Variants in POC5 observed in about 807,000 individuals in gnomAD.
The protein encoded by POC5 is POC5 centriolar protein.
In POC5, 48 loss-of-function variants were observed where a neutral mutation model predicts 62.9. That is an observed-to-expected ratio of 0.76 (90% CI 0.61 to 0.97). The LOEUF is 0.97. Among genes scored for constraint, POC5 ranks in the 50% least tolerant of loss-of-function variants. The probability of loss-of-function intolerance (pLI) is 0.00; values close to 1 mark genes in which losing one functional copy is unlikely to be tolerated. For synonymous variants in POC5, 236 were observed against 228.2 expected, an observed-to-expected ratio of 1.03 and a Z score of -0.31; for missense variants, 696 against 679.5, an observed-to-expected ratio of 1.02 and a Z score of -0.27.
Position 75,702,735 on chromosome 5 carries a change from T to C in POC5, c.383A>G (p.Asp128Gly). 6.2e-7 allele frequency: 1 copy of C among 1,604,528 alleles called. No homozygotes were observed. The highest frequency in any genetic ancestry group is 8.5e-7 in the Non-Finnish European group (1 of 1,175,168). Residue 128 changes from aspartate (D) to glycine (G), a missense_variant, in exon 5 of 12, where the codon GAC becomes GGC. Transcript: ENST00000428202. ...MDFFSSHLLA[D>G]SSSPATNSSH... ...AGAATTTGTTGCTGGTGAGGAAGAGTCAGCTAAAAGATGTGAACTGAAAAA... is the reference window on the plus strand; with the variant it reads ...AGAATTTGTTGCTGGTGAGGAAGAGCCAGCTAAAAGATGTGAACTGAAAAA...
chr5:75,687,405 G>A (rs1776143293), intron 9 of POC5, among the ~76,000 whole-genome samples: 1 of 152,066 alleles, frequency 6.6e-6, no homozygotes, highest in Non-Finnish European at 1.5e-5. Context: ...AAAAATAGGT[G>A]TCATTAAAAT....
chr5:75,710,513 A>G (rs1777299218), intron 2 of POC5, among the ~76,000 whole-genome samples: 1 of 152,138 alleles, frequency 6.6e-6, no homozygotes, highest in South Asian at 2.1e-4. Flanking sequence ...AACCTTGTGC[A>G]TGCTCTCCTC....
intron 1 of POC5, among the ~76,000 whole-genome samples, chr5:75,717,035 G>A (rs1358494540): frequency 6.6e-6 from 1 of 152,208 alleles, no homozygotes; most frequent in Non-Finnish European, 1.5e-5. Flanking sequence ...GCACAACAGA[G>A]CTTTATACAT....
chr5:75,674,151 T>C lies in POC5; in HGVS notation c.*284A>G, dbSNP rs1775564499. On this transcript the variant is annotated 3_prime_UTR_variant, in exon 12 of 12. Coordinates refer to ENST00000428202, the MANE Select transcript of POC5 (RefSeq NM_001099271.2). ...GTGAAAATAAATTTATATATTTTGA[T>C]GCTGTAATCAGCAACAGGCTAAACA... 1 of 209,214 alleles carries C rather than the reference T, an allele frequency of 4.8e-6. No homozygotes were observed. The highest frequency in any genetic ancestry group is 2.3e-5 in the African/African-American group (1 of 43,522). The allele number at this position is 209,214 out of a possible 1,614,324, so 13.0% of individuals were successfully genotyped here. A position where few individuals can be genotyped will look rare whatever the true frequency, so the allele number is the denominator to read the frequency against.
At chr5:75,677,550 T>C (rs982576266) in intron 11 of POC5, 2 of 309,384 alleles carry the variant, frequency 6.5e-6, no homozygotes, top group African/African-American at 2.1e-5. Context: ...AGAAACGATG[T>C]TTCTGAAATT....
intron 8 of POC5, among the ~76,000 whole-genome samples, chr5:75,689,922 T>C (rs902366964): frequency 2.0e-5 from 3 of 152,240 alleles, no homozygotes; most frequent in African/African-American, 7.2e-5. Flanking sequence ...TTTCTGCTCT[T>C]GTTGCCTAGG....
In POC5 at chr5:75,702,757, A is replaced by T; in HGVS notation, c.361T>A (p.Phe121Ile). The stretch of plus-strand genomic sequence containing the variant: ...GAGTCAGCTAAAAGATGTGAACTGA[A>T]AAAATCCATGACTGGGTGAGAAGGC... ...RKPSHPVMDF[F>I]SSHLLADSSS... is the part of the protein sequence containing the mutation. Residue 121 changes from phenylalanine (F) to isoleucine (I), a missense_variant, in exon 5 of 12, where the codon TTC becomes ATC. Phe to Ile is a conservative substitution (Grantham distance 21). Transcript: ENST00000428202. 1 of 1,598,430 alleles carries T rather than the reference A, an allele frequency of 6.3e-7. No homozygotes were observed.
Position 75,715,738 on chromosome 5 carries a change from A to T in POC5, c.-15+1568T>A, listed in dbSNP as rs184278300. Among the ~76,000 whole-genome samples, 463 of 152,342 alleles carry T rather than the reference A, an allele frequency of 3.0e-3. 2 individuals are homozygous for T. Among genetic ancestry groups the T allele is most frequent in the African/African-American group, 0.011 (453 of 41,572 alleles). On this transcript the variant is annotated intron_variant, in intron 1 of 11. Transcript: ENST00000428202. ...AGAAAGAAGATCTTTCGCTTTAAAT[A>T]TGCGTTCAGAGGGGACCATAGCCCT...
intron 5 of POC5, among the ~76,000 whole-genome samples, chr5:75,695,615 T>C (rs1373764630): frequency 6.6e-6 from 1 of 152,220 alleles, no homozygotes; most frequent in African/African-American, 2.4e-5. Context: ...TCTCAAATTA[T>C]ATGTTTCAGA....
intron 10 of POC5, among the ~76,000 whole-genome samples, chr5:75,683,274 G>A (rs563362157): frequency 1.7e-4 from 25 of 148,642 alleles, no homozygotes; most frequent in African/African-American, 5.2e-4. Context: ...TCGCTGTGTC[G>A]CCCAGGCTGA....
chr5:75,689,647 C>G, intron 8 of POC5: 3 of 985,344 alleles, frequency 3.0e-6, no homozygotes, highest in Non-Finnish European at 3.6e-6. Context: ...GGCCAAACCT[C>G]AGGGGACTGC....
At chr5:75,708,938 T>C (rs1489771516) in intron 2 of POC5, among the ~76,000 whole-genome samples, 2 of 152,170 alleles carry the variant, frequency 1.3e-5, no homozygotes, top group Admixed American at 6.5e-5. Flanking sequence ...GTTCAAGCGA[T>C]TCTCCTGCCT....
intron 11 of POC5, 56 bp downstream of exon 11, chr5:75,677,718 C>T: frequency 2.8e-6 from 4 of 1,437,548 alleles, no homozygotes; most frequent in Non-Finnish European, 3.7e-6. Flanking sequence ...GTTTACTAGT[C>T]TATGAACTCT....
In POC5 at chr5:75,685,298, G is replaced by C. The variant is rs773561682; in HGVS notation, c.1316C>G (p.Thr439Ser). Residue 439 changes from threonine to serine, a missense_variant, in exon 10 of 12, where the codon ACT becomes AGT. Coordinates refer to ENST00000428202, the MANE Select transcript of POC5 (RefSeq NM_001099271.2). ...ATAVPSAASM[T>S]STRAASASSV... ...AGATGCGGAAGCAGCCCTGGTAGAA[G>C]TCATCGAAGCAGCTGAGGGAACGGC... 1.9e-6 allele frequency: 3 copies of C among 1,614,056 alleles called. No homozygotes were observed. In the Admixed American group the frequency reaches 5.0e-5, roughly 27 times the overall value.
chr5:75,712,577 A>T (rs759744733), intron 2 of POC5: 2 of 955,768 alleles, frequency 2.1e-6, no homozygotes, highest in South Asian at 3.0e-5. Context: ...AAATTTAAAC[A>T]AAAAAATGTT....
At chr5:75,676,845 AAAAT>A (rs145760718) in intron 11 of POC5, among the ~76,000 whole-genome samples, 41,875 of 149,542 alleles carry the variant, frequency 0.28, 7,520 homozygotes, top group African/African-American at 0.5. Flanking sequence ...AAATAAATAA[AAAAT>A]AAATAAATAA....
At chr5:75,695,158 A>G (rs190719254) in intron 5 of POC5, among the ~76,000 whole-genome samples, 1 of 152,352 alleles carries the variant, frequency 6.6e-6, no homozygotes, top group Admixed American at 6.5e-5. Context: ...AAGATGGATC[A>G]GGAATAAAGG....
intron 2 of POC5, among the ~76,000 whole-genome samples, chr5:75,709,118 C>T (rs564257517): frequency 6.6e-6 from 1 of 152,246 alleles, no homozygotes; most frequent in East Asian, 1.9e-4. Flanking sequence ...GCGTGAGCCA[C>T]TGCACCCGGC....
chr5:75,677,778 G>C lies in POC5; in HGVS notation c.1580C>G (p.Thr527Arg). The change falls in exon 11 of 12, where the codon ACA (threonine) becomes AGA (arginine). Residue 527 changes from threonine (T) to arginine (R), a missense_variant. Thr to Arg is a moderately conservative substitution (Grantham distance 71). Transcript: ENST00000428202. Reference sequence around the variant, plus strand: ...GGTCATCAAATGTGGACTCACCACTGTGACTGGATGATGTTTTTCCACAAC... The same window carrying C: ...GGTCATCAAATGTGGACTCACCACTCTGACTGGATGATGTTTTTCCACAAC... The part of the protein sequence containing the change: ...SVVVEKHHPV[T>R]VQTIPQATAA... 1 of 1,603,760 alleles carries C rather than the reference G, an allele frequency of 6.2e-7. No homozygotes were observed. The highest frequency in any genetic ancestry group is 8.5e-7 in the Non-Finnish European group (1 of 1,174,956).
Sources: allele counts gnomAD v4.1 joint callset (sites outside exome capture counted in the v4.1 genomes callset), GRCh38; gene constraint gnomAD v4.1.1; transcripts MANE v1.5; gene names NCBI Gene and HGNC (gene_info 2026-07-23, HGNC 2026-07-21).